The following CYLD variants were observed in gnomAD, a reference collection of about 807,000 sequenced individuals.
CYLD encodes the protein CYLD lysine 63 deubiquitinase.
CYLD carries 26 observed loss-of-function variants against 104.5 expected under a neutral mutation model. The observed-to-expected ratio is 0.25, with a 90% CI of 0.18 to 0.35. The LOEUF (loss-of-function observed/expected upper bound fraction) is 0.35, where lower values mean the gene tolerates loss of function less well. CYLD is among the 10% of genes least tolerant of loss of function. CYLD has a pLI of 1.00. For synonymous variants in CYLD, 385 were observed against 399.9 expected (o/e 0.96, Z 0.45); for missense variants, 703 against 1,136.1 (o/e 0.62, Z 5.48).
chr16:50,765,449 C>T (rs72796382), intron 5 of CYLD, among the ~76,000 whole-genome samples: 2,318 of 152,280 alleles, frequency 0.015, 32 homozygotes, highest in Non-Finnish European at 0.023. Flanking sequence ...TCTCTCACTC[C>T]TTGGGCCTCC....
At chr16:50,744,297 G>A (rs1326261262) in intron 2 of CYLD, among the ~76,000 whole-genome samples, 3 of 151,668 alleles carry the variant, frequency 2.0e-5, no homozygotes, top group African/African-American at 7.3e-5. Context: ...TCTTTTTTCT[G>A]GCCACGGAAT....
Position 50,793,658 on chromosome 16 carries a change from C to T in CYLD, c.2463C>T (p.Asn821=), listed in dbSNP as rs1971655142. 6.3e-7 allele frequency: 1 copy of T among 1,599,080 alleles called. No homozygotes were observed. Among genetic ancestry groups the T allele is most frequent in the African/African-American group, 1.3e-5 (1 of 74,632 alleles). ...TCAAGCAGTTTTGTAAAACCTGCAA[C>T]ACTCAAGTGAGCTTCCCTTCACTTA... is the stretch of plus-strand genomic sequence containing the variant. ...GKIKQFCKTC[N]TQVHLHPKRL... is the part of the protein sequence containing the mutation. Residue 821 remains asparagine, a synonymous_variant, in exon 17 of 19, where the codon AAC becomes AAT. Transcript: ENST00000427738.
At position 50,799,185 on chromosome 16, in the gene CYLD, T is replaced by G. The variant is rs533481735; in HGVS notation, c.*2677T>G. Reference sequence around the variant, plus strand: ...TTTTATTCCTTATCTACAATCAAGATGACAATGTAATTGAATTATCTTATT... The same window carrying G: ...TTTTATTCCTTATCTACAATCAAGAGGACAATGTAATTGAATTATCTTATT... On this transcript the variant is annotated 3_prime_UTR_variant, in exon 19 of 19. Coordinates refer to ENST00000427738, the MANE Select transcript of CYLD (RefSeq NM_001378743.1). 31 of 233,476 alleles carry G rather than the reference T, an allele frequency of 1.3e-4. 1 individual carries two copies. In the Middle Eastern group the frequency reaches 5.1e-3, roughly 38 times the overall value. The allele number at this position is 233,476 out of a possible 1,614,324, so 14.5% of individuals were successfully genotyped here. A position where few individuals can be genotyped will look rare whatever the true frequency, so the allele number is the denominator to read the frequency against.
At chr16:50,785,663 A>C (rs1317418410) in intron 12 of CYLD, 1 of 152,224 alleles carries the variant, frequency 6.6e-6, no homozygotes, top group East Asian at 1.9e-4. Context: ...CAGCCAGTTA[A>C]GAATCATAGT....
At chr16:50,742,402 T>TC (rs151192348) in intron 1 of CYLD, 8,173 of 169,452 alleles carry the variant, frequency 0.048, 631 homozygotes, top group African/African-American at 0.17. Context: ...AGCCCGGGTT[T>TC]CCCCCCCCCA....
At chr16:50,754,263 C>A in intron 4 of CYLD, 56 bp from the exon 5 acceptor site, 1 of 1,145,912 alleles carries the variant, frequency 8.7e-7, no homozygotes, top group South Asian at 1.2e-5. Context: ...AAAATACAGA[C>A]TTCCACATTT....
intron 16 of CYLD, among the ~76,000 whole-genome samples, chr16:50,793,295 A>C (rs1971611018): frequency 6.6e-6 from 1 of 152,160 alleles, no homozygotes; most frequent in Admixed American, 6.5e-5. Flanking sequence ...ATTTTCATCA[A>C]TGGGTATTTT....
chr16:50,794,160 TC>T lies in CYLD; in HGVS notation c.2470-51del. The T allele has an allele frequency of 6.6e-7, 1 of 1,522,278 alleles. No homozygotes were observed. The highest frequency in any genetic ancestry group is 9.1e-7 in the Non-Finnish European group (1 of 1,097,898). 94.3% of individuals were successfully genotyped at this position (1,522,278 alleles called of 1,614,324 possible). ...TCAGGCTGGTCTTGAACTCCTGACC[TC>T]GTGATCCACCAGCCTCGGCCTAATG... On this transcript the variant is annotated intron_variant, in intron 17 of 18. Coordinates refer to ENST00000427738, the MANE Select transcript of CYLD (RefSeq NM_001378743.1). The surrounding 1 kb of genome is among the most constrained non-coding windows in gnomAD (Gnocchi z 4.1).
Position 50,749,577 on chromosome 16 carries a change from A to C in CYLD, c.-122A>C. The C allele has an allele frequency of 1.0e-6, 1 of 969,956 alleles. No homozygotes were observed. The highest frequency in any genetic ancestry group is 1.5e-5 in the South Asian group (1 of 66,776). 60.1% of individuals were successfully genotyped at this position (969,956 alleles called of 1,614,324 possible). On this transcript the variant is annotated splice_region_variant and 5_prime_UTR_variant, in exon 3 of 19. An upstream start codon of the reference 5' UTR is lost. Coordinates refer to ENST00000427738, the MANE Select transcript of CYLD (RefSeq NM_001378743.1). ...TTTTGATTTCCTTTCTTTTTACAGC[A>C]TGGACACCACGTTGCTGAAAACATG...
intron 2 of CYLD, among the ~76,000 whole-genome samples, chr16:50,746,653 G>T (rs1197707756): frequency 1.3e-5 from 2 of 152,058 alleles, no homozygotes; most frequent in Non-Finnish European, 1.5e-5. Flanking sequence ...ACTCCTTGTA[G>T]AGTTCACTTT....
At position 50,794,864 on chromosome 16, in the gene CYLD, A is replaced by G; in HGVS notation, c.2686+436A>G. The G allele has an allele frequency of 4.1e-6, 1 of 244,906 alleles. No homozygotes were observed. The highest frequency in any genetic ancestry group is 1.1e-4 in the East Asian group (1 of 9,482). 15.2% of individuals were successfully genotyped at this position (244,906 alleles called of 1,614,324 possible). Reference sequence around the variant, plus strand: ...TCAAATTCCTGGCCTCAAGTGATTAACCCTCCTTTTCCTCTCGATGTGCTG... The same window carrying G: ...TCAAATTCCTGGCCTCAAGTGATTAGCCCTCCTTTTCCTCTCGATGTGCTG... On this transcript the variant is annotated intron_variant, in intron 18 of 18. Coordinates refer to ENST00000427738, the MANE Select transcript of CYLD (RefSeq NM_001378743.1). This position sits in a 1 kb window ranked among gnomAD's most constrained non-coding sequence, Gnocchi z 4.1.
rs184584222 is a variant in CYLD at position 50,755,113 on chromosome 16, A to G, written c.913+689A>G. On this transcript the variant is annotated intron_variant, in intron 5 of 18. Coordinates refer to ENST00000427738, the MANE Select transcript of CYLD (RefSeq NM_001378743.1). The stretch of plus-strand genomic sequence containing the variant: ...TATATACATACATATATACACACAT[A>G]TACACATGTGTATATATACACACGT... Among the ~76,000 whole-genome samples, 12 of 127,600 alleles carry G rather than the reference A, an allele frequency of 9.4e-5. No homozygotes were observed. The East Asian group carries it at 1.7e-3, about 18-fold the overall frequency. 83.7% of individuals were successfully genotyped at this position (127,600 alleles called of 152,430 possible).
At chr16:50,769,855 G>T (rs554754777) in intron 5 of CYLD, among the ~76,000 whole-genome samples, 1 of 152,136 alleles carries the variant, frequency 6.6e-6, no homozygotes, top group Non-Finnish European at 1.5e-5. Flanking sequence ...GTCGATTTCT[G>T]TAATTCAGTC....
At chr16:50,746,450 AAG>A (rs1197162647) in intron 2 of CYLD, among the ~76,000 whole-genome samples, 1 of 152,234 alleles carries the variant, frequency 6.6e-6, no homozygotes, top group East Asian at 1.9e-4. Flanking sequence ...AATTTTTAAT[AAG>A]AGAGTTTCAA....
chr16:50,777,740 TATTC>T (rs2150985739), intron 7 of CYLD, 81 bp from the exon 8 acceptor site: 1 of 759,776 alleles, frequency 1.3e-6, no homozygotes, highest in Admixed American at 1.9e-5. Flanking sequence ...ATTAACATCA[TATTC>T]ATAATAATTT....
intron 14 of CYLD, among the ~76,000 whole-genome samples, chr16:50,790,511 G>A (rs1008570820): frequency 2.0e-4 from 30 of 151,652 alleles, no homozygotes; most frequent in African/African-American, 7.3e-4. Flanking sequence ...GAAAAATTCT[G>A]GTCTTTTGTC....
chr16:50,778,070 T>G (rs1969865665), intron 8 of CYLD, 129 bp downstream of exon 8: 1 of 644,816 alleles, frequency 1.6e-6, no homozygotes, highest in African/African-American at 1.8e-5. Context: ...GTAATATTGC[T>G]GAACTAAAAT....
chr16:50,743,098 CCTT>C (rs1048270176), intron 2 of CYLD, among the ~76,000 whole-genome samples: 8 of 152,160 alleles, frequency 5.3e-5, no homozygotes, highest in Admixed American at 2.6e-4. Context: ...ATCCCTGCCA[CCTT>C]CTTCTCCTCA....
intron 6 of CYLD, 61 bp downstream of exon 6, chr16:50,775,235 G>A: frequency 4.4e-6 from 6 of 1,366,306 alleles, no homozygotes; most frequent in Non-Finnish European, 6.2e-6. Flanking sequence ...TTCAAAGGAA[G>A]AACTTTTCAC....
Sources: allele counts gnomAD v4.1 joint callset (sites outside exome capture counted in the v4.1 genomes callset), GRCh38; gene constraint gnomAD v4.1.1; non-coding constraint Gnocchi (gnomAD v3.1); transcripts MANE v1.5; gene names NCBI Gene and HGNC (gene_info 2026-07-23, HGNC 2026-07-21).